The following GPHN variants were observed in gnomAD, a reference collection of about 807,000 sequenced individuals.
GPHN encodes the protein gephyrin.
In GPHN, 17 loss-of-function variants were observed where a neutral mutation model predicts 95.5. The ratio of observed to expected loss-of-function variants is 0.18; its 90% CI spans 0.12 to 0.27. GPHN has a LOEUF of 0.27. Among genes scored for constraint, GPHN ranks in the 10% least tolerant of loss-of-function variants. GPHN has a pLI of 1.00. For missense variants in GPHN, 660 were observed against 978.1 expected (o/e 0.67, Z 4.34); for synonymous variants, 320 against 322.5 (o/e 0.99, Z 0.08).
chr14:66,983,057 G>A (rs1483849194), intron 9 of GPHN, among the ~76,000 whole-genome samples: 1 of 152,088 alleles, frequency 6.6e-6, no homozygotes, highest in Non-Finnish European at 1.5e-5. Flanking sequence ...TTCAAGAGCA[G>A]CCTGGCCAAC....
chr14:66,970,082 T>C lies in GPHN; in HGVS notation c.963+4757T>C, dbSNP rs556757271. Among the ~76,000 whole-genome samples, 48 of 149,598 alleles carry C rather than the reference T, an allele frequency of 3.2e-4. No individual in the cohort carries two copies. In the South Asian group the frequency reaches 9.9e-3, roughly 31 times the overall value. Reference sequence around the variant, plus strand: ...TTTGTGCTTAGAATAACCAGCAAGTTGTGTTTTTTTTTTTTTTTTTTGCTC... The same window carrying C: ...TTTGTGCTTAGAATAACCAGCAAGTCGTGTTTTTTTTTTTTTTTTTTGCTC... On this transcript the variant is annotated intron_variant, in intron 9 of 22. Transcript: ENST00000478722.
chr14:66,605,005 C>T (rs2062450149), intron 1 of GPHN, among the ~76,000 whole-genome samples: 1 of 152,146 alleles, frequency 6.6e-6, no homozygotes, highest in Admixed American at 6.5e-5. Context: ...CCTCCAGCCA[C>T]ATCCATGTTG....
At chr14:67,529,632 T>A in the GPHN span, among the ~76,000 whole-genome samples, 1 of 152,178 alleles carries the variant, frequency 6.6e-6, no homozygotes. Context: ...CTTCTCTGCA[T>A]GTCCAATCAC....
chr14:67,552,969 C>T, the GPHN span, among the ~76,000 whole-genome samples: 1 of 152,128 alleles, frequency 6.6e-6, no homozygotes, highest in African/African-American at 2.4e-5. Flanking sequence ...AAAAAATGCT[C>T]GCTGTGTTGT....
At chr14:67,159,795 GT>G (rs1668118926) in intron 19 of GPHN, among the ~76,000 whole-genome samples, 1 of 151,746 alleles carries the variant, frequency 6.6e-6, no homozygotes, top group Admixed American at 6.6e-5. Context: ...TTCTTTATCT[GT>G]TTTTAAAAAT....
intron 2 of GPHN, among the ~76,000 whole-genome samples, chr14:66,751,092 T>C (rs914335527): frequency 6.6e-6 from 1 of 151,996 alleles, no homozygotes; most frequent in African/African-American, 2.4e-5. Context: ...TACATTTTCG[T>C]CATGATCTTC....
chr14:67,168,737 G>A (rs891204982), intron 20 of GPHN, among the ~76,000 whole-genome samples, 196 bp from the exon 21 acceptor site: 8 of 152,126 alleles, frequency 5.3e-5, no homozygotes, highest in Non-Finnish European at 1.0e-4. Flanking sequence ...TTTACTGAAA[G>A]ACGCAAATGT....
the GPHN span, among the ~76,000 whole-genome samples, chr14:67,526,048 A>G: frequency 6.6e-6 from 1 of 152,108 alleles, no homozygotes; most frequent in Non-Finnish European, 1.5e-5. Flanking sequence ...TATATATGAG[A>G]CCTGTCTGTC....
rs551322678 is a variant in GPHN, at chr14:67,148,818, G to A, written c.1836+5369G>A. Among the ~76,000 whole-genome samples, 30 of 151,158 alleles carry A rather than the reference G, an allele frequency of 2.0e-4. 1 individual carries two copies. The highest frequency in any genetic ancestry group is 1.4e-3 in the Admixed American group (22 of 15,222). On this transcript the variant is annotated intron_variant, in intron 18 of 22. Transcript: ENST00000478722. Reference sequence around the variant, plus strand: ...CCTGACCTCATGATCCACCCGCCTCGGCCTCCCAAAGTGCTGGGATTACAG... The same window carrying A: ...CCTGACCTCATGATCCACCCGCCTCAGCCTCCCAAAGTGCTGGGATTACAG...
At chr14:67,380,207 G>A in the GPHN span, among the ~76,000 whole-genome samples, 7 of 152,182 alleles carry the variant, frequency 4.6e-5, no homozygotes. Context: ...TGGCACTTAG[G>A]AGGGTCAGAT....
chr14:66,680,179 T>C (rs186029261), intron 1 of GPHN, among the ~76,000 whole-genome samples: 3 of 152,332 alleles, frequency 2.0e-5, no homozygotes, highest in Admixed American at 2.0e-4. Context: ...GACTCTTCTG[T>C]CTGGTGACTT....
At chr14:67,589,226 C>T in the GPHN span, 2 of 412,100 alleles carry the variant, frequency 4.9e-6, no homozygotes, top group Non-Finnish European at 6.5e-6. Context: ...CAATCTATTT[C>T]CCCCACCCTC....
rs534398769 is a variant in GPHN at position 66,674,643 on chromosome 14, C to T, written c.65-6464C>T. Among the ~76,000 whole-genome samples, 8 of 152,192 alleles carry T rather than the reference C, an allele frequency of 5.3e-5. No homozygotes were observed. The East Asian group carries it at 1.5e-3, about 29-fold the overall frequency. ...TTGCTGTGTATGAATGCATTTAATT[C>T]TCTCTCTCTTTTTTATGACTGAATA... On this transcript the variant is annotated intron_variant, in intron 1 of 22. Coordinates refer to ENST00000478722, the MANE Select transcript of GPHN (RefSeq NM_020806.5).
the GPHN span, among the ~76,000 whole-genome samples, chr14:67,341,578 G>A: frequency 1.3e-5 from 2 of 148,614 alleles, no homozygotes; most frequent in East Asian, 2.1e-4. Context: ...GTCAGCCCCC[G>A]CCAGGCCAGC....
At chr14:66,544,877 A>G (rs1413951679) in intron 1 of GPHN, among the ~76,000 whole-genome samples, 2 of 152,048 alleles carry the variant, frequency 1.3e-5, no homozygotes, top group Admixed American at 6.5e-5. Context: ...TGGACACAGC[A>G]CATGTTTCAG....
intron 2 of GPHN, among the ~76,000 whole-genome samples, chr14:66,739,318 G>C (rs370814076): frequency 1.3e-4 from 20 of 149,358 alleles, no homozygotes; most frequent in Admixed American, 1.0e-3. Flanking sequence ...CCAGGTTCAT[G>C]CCATTCTCCT....
At chr14:66,727,062 GTGGC>G (rs1199081648) in intron 2 of GPHN, among the ~76,000 whole-genome samples, 1 of 152,116 alleles carries the variant, frequency 6.6e-6, no homozygotes, top group African/African-American at 2.4e-5. Flanking sequence ...TTGAATCATG[GTGGC>G]TGGTCTCTCC....
At chr14:67,148,420 T>C (rs1428697632) in intron 18 of GPHN, among the ~76,000 whole-genome samples, 1 of 152,174 alleles carries the variant, frequency 6.6e-6, no homozygotes, top group Non-Finnish European at 1.5e-5. Flanking sequence ...TTGTCCTTTA[T>C]TATGCTCTTT....
At chr14:67,458,796 A>G in the GPHN span, among the ~76,000 whole-genome samples, 28 of 152,308 alleles carry the variant, frequency 1.8e-4, no homozygotes, top group Non-Finnish European at 2.6e-4. Context: ...ATCTTGGCTC[A>G]CTGCAGCCTC....
Sources: allele counts gnomAD v4.1 joint callset (sites outside exome capture counted in the v4.1 genomes callset), GRCh38; gene constraint gnomAD v4.1.1; transcripts MANE v1.5; gene names NCBI Gene and HGNC (gene_info 2026-07-23, HGNC 2026-07-21).